Variants in JCAD observed in about 807,000 individuals in gnomAD.
The protein encoded by JCAD is junctional cadherin 5-associated protein.
In JCAD, 40 loss-of-function variants were observed where a neutral mutation model predicts 98.0. The ratio of observed to expected loss-of-function variants is 0.41; its 90% CI spans 0.32 to 0.53. The LOEUF (loss-of-function observed/expected upper bound fraction) is 0.53. Among genes scored for constraint, JCAD ranks in the 20% least tolerant of loss-of-function variants. JCAD has a pLI of 0.31. For missense variants in JCAD, 1,705 were observed against 1,738.1 expected (o/e 0.98, Z 0.34); for synonymous variants, 691 against 682.3 (o/e 1.01, Z -0.20).
At chr10:30,039,359 T>C (rs949116397) in intron 2 of JCAD, among the ~76,000 whole-genome samples, 2 of 152,308 alleles carry the variant, frequency 1.3e-5, no homozygotes, top group East Asian at 3.9e-4. Context: ...GCAGACACTG[T>C]TCCCTCCCAC....
rs1836523093 is a variant in JCAD at position 30,015,961 on chromosome 10, T to C, written c.*1922A>G. ...GTCTGAACTCTTCCCCACTCAACTT[T>C]TCCTGGGAAGAGGATCTTTTTGTTT... On this transcript the variant is annotated 3_prime_UTR_variant, in exon 4 of 4. Transcript: ENST00000375377. 1 of 152,208 alleles carries C rather than the reference T, an allele frequency of 6.6e-6. No homozygotes were observed. The allele number at this position is 152,208 out of a possible 1,614,324, so 9.4% of individuals were successfully genotyped here.
At chr10:30,045,501 T>C (rs113317855) in intron 2 of JCAD, among the ~76,000 whole-genome samples, 4,131 of 152,250 alleles carry the variant, frequency 0.027, 201 homozygotes, top group African/African-American at 0.095. Context: ...AGGTACAATC[T>C]CAGTACCTTG....
Position 30,086,262 on chromosome 10 carries a change from C to A in JCAD, n.129-16441G>T, listed in dbSNP as rs545645897. ...TTGTCTGCCTCTTTTGTGCATTGAA[C>A]TTTTCCCCTCCACACCCTTAGTGGA... On this transcript the variant is annotated intron_variant and non_coding_transcript_variant, in intron 1 of 2. Transcript: ENST00000465712. Among the ~76,000 whole-genome samples, 5 of 152,248 alleles carry A rather than the reference C, an allele frequency of 3.3e-5. No homozygotes were observed. In the East Asian group the frequency reaches 7.7e-4, roughly 23 times the overall value.
chr10:30,092,048 A>ATATAT (rs1838278587), intron 1 of JCAD, among the ~76,000 whole-genome samples: 9 of 30,234 alleles, frequency 3.0e-4, no homozygotes, highest in African/African-American at 1.7e-3. Context: ...AAAAAAAAAA[A>ATATAT]AAAAAAAAAA....
Position 30,071,661 on chromosome 10 carries a change from C to T in JCAD, n.129-1840G>A, listed in dbSNP as rs191872383. ...CTCTACTAAAAATACAAAAATTAGC[C>T]CAGCTACTCTGGAGGCTGAGGCAGG... On this transcript the variant is annotated intron_variant and non_coding_transcript_variant, in intron 1 of 2. Coordinates refer to the JCAD transcript ENST00000465712. Among the ~76,000 whole-genome samples, 341 of 152,050 alleles carry T rather than the reference C, an allele frequency of 2.2e-3. 1 individual carries two copies. Among genetic ancestry groups the T allele is most frequent in the Non-Finnish European group, 4.0e-3 (269 of 67,972 alleles).
At chr10:30,066,538 T>C (rs371619343) in intron 2 of JCAD, among the ~76,000 whole-genome samples, 3 of 152,140 alleles carry the variant, frequency 2.0e-5, no homozygotes, top group African/African-American at 7.2e-5. Flanking sequence ...CTCCAGGGAA[T>C]GGCAGTGGCT....
intron 1 of JCAD, among the ~76,000 whole-genome samples, chr10:30,110,381 CAG>C (rs1838669861): frequency 1.3e-5 from 2 of 152,042 alleles, no homozygotes; most frequent in Non-Finnish European, 2.9e-5. Flanking sequence ...ATGTATAGAC[CAG>C]CTGATGTGTG....
chr10:30,049,466 A>G (rs972275659), intron 1 of JCAD, among the ~76,000 whole-genome samples: 1 of 152,214 alleles, frequency 6.6e-6, no homozygotes, highest in African/African-American at 2.4e-5. Flanking sequence ...GCTAGATTAC[A>G]GTAGGGAAAG....
At position 30,027,836 on chromosome 10, in the gene JCAD, A is replaced by C; in HGVS notation, c.2312T>G (p.Val771Gly). The change falls in exon 3 of 4, where the codon GTG (valine) becomes GGG (glycine). Residue 771 changes from valine to glycine, a missense_variant. This residue lies in a region of JCAD where 1,278 missense variants were observed against 1,243.1 expected (regional missense o/e 1.03). Coordinates refer to ENST00000375377, the MANE Select transcript of JCAD (RefSeq NM_020848.4). ...TGCTTTTGGCGTCGGTGCCTGGTCC[A>C]CGGACAAGGAAGTCCTTGAGAACGC... ...NSAFSRTSLS[V>G]DQAPTPKAGR... 1 of 1,614,248 alleles carries C rather than the reference A, an allele frequency of 6.2e-7. No homozygotes were observed. Among genetic ancestry groups the C allele is most frequent in the Non-Finnish European group, 8.5e-7 (1 of 1,180,040 alleles).
At chr10:30,064,720 A>G (rs11007880) in intron 2 of JCAD, among the ~76,000 whole-genome samples, 17,011 of 151,526 alleles carry the variant, frequency 0.11, 1,656 homozygotes, top group African/African-American at 0.25. Context: ...CACCCAGGCT[A>G]GAGTGCAGTG....
chr10:30,054,655 G>A (rs1837530995), intron 1 of JCAD, among the ~76,000 whole-genome samples: 1 of 149,962 alleles, frequency 6.7e-6, no homozygotes, highest in African/African-American at 2.4e-5. Context: ...TGCTGCTTAG[G>A]TTAGATGAGG....
intron 1 of JCAD, among the ~76,000 whole-genome samples, chr10:30,056,364 C>T (rs918232561): frequency 1.3e-5 from 2 of 152,116 alleles, no homozygotes; most frequent in Non-Finnish European, 2.9e-5. Context: ...GTACAAAAGT[C>T]ATGTAAAGTG....
intron 1 of JCAD, among the ~76,000 whole-genome samples, chr10:30,102,900 C>T (rs936980448): frequency 6.6e-6 from 1 of 152,134 alleles, no homozygotes; most frequent in Non-Finnish European, 1.5e-5. Context: ...TGCAGGGGAA[C>T]TCCCCTTTAT....
In JCAD at chr10:30,017,459, A is replaced by G. The variant is rs1183648396; in HGVS notation, c.*424T>C. On this transcript the variant is annotated 3_prime_UTR_variant, in exon 4 of 4. Transcript: ENST00000375377. Reference sequence around the variant, plus strand: ...AGCCAGTGTCCCAAACTCCTTCACAAGAGCATGGACTGCAGGCCATGGAGA... The same window carrying G: ...AGCCAGTGTCCCAAACTCCTTCACAGGAGCATGGACTGCAGGCCATGGAGA... 9.5e-6 allele frequency: 2 copies of G among 210,900 alleles called. No homozygotes were observed. The highest frequency in any genetic ancestry group is 8.1e-5 in the South Asian group (1 of 12,404). 13.1% of individuals were successfully genotyped at this position (210,900 alleles called of 1,614,324 possible).
chr10:30,080,678 A>G (rs922392146), intron 1 of JCAD, among the ~76,000 whole-genome samples: 5 of 151,524 alleles, frequency 3.3e-5, no homozygotes, highest in Non-Finnish European at 5.9e-5. Context: ...ACAGCCCCCA[A>G]TCTCACCACT....
rs1011251397 is a variant in JCAD at position 30,057,611 on chromosome 10, C to T, written c.-60+1871G>A. On this transcript the variant is annotated intron_variant, in intron 1 of 3. Coordinates refer to ENST00000375377, the MANE Select transcript of JCAD (RefSeq NM_020848.4). ...CTCCACCCACCCAAATCCCCTAATT[C>T]TCCTGGGCCTGCCAAGGGCCTGACC... is the stretch of plus-strand genomic sequence containing the variant. 3.9e-5 allele frequency among the ~76,000 whole-genome samples: 6 copies of T among 152,162 alleles called. No individual in the cohort carries two copies. The East Asian group carries it at 1.2e-3, about 29-fold the overall frequency.
intron 1 of JCAD, among the ~76,000 whole-genome samples, chr10:30,089,512 C>CCGTGTG (rs1465836541): frequency 9.9e-6 from 1 of 100,778 alleles, no homozygotes; most frequent in African/African-American, 5.9e-5. Flanking sequence ...GATGCTTCTT[C>CCGTGTG]CGTGTGTGTG....
At chr10:30,073,375 T>C (rs1024152035) in intron 1 of JCAD, among the ~76,000 whole-genome samples, 3 of 152,194 alleles carry the variant, frequency 2.0e-5, no homozygotes, top group Non-Finnish European at 4.4e-5. Flanking sequence ...GCATTAGCTG[T>C]TCTTACGCTG....
rs372742134 is a variant in JCAD at position 30,026,846 on chromosome 10, G to A, written c.3302C>T (p.Pro1101Leu). ...GIEVAVESLL[P>L]GIRRAGQNQP... ...GTTCTGTCCCGCTCTCCGGATGCCC[G>A]GCAGGAGGGACTCCACCGCCACCTC... is the stretch of plus-strand genomic sequence containing the variant. Residue 1101 changes from proline (P) to leucine (L), a missense_variant, in exon 3 of 4, where the codon CCG becomes CTG. By Grantham distance (98) the Pro-to-Leu change is moderately conservative. Transcript: ENST00000375377. 5.6e-6 allele frequency: 9 copies of A among 1,613,824 alleles called. No individual in the cohort carries two copies. Among genetic ancestry groups the A allele is most frequent in the Admixed American group, 3.3e-5 (2 of 60,010 alleles).
Sources: allele counts gnomAD v4.1 joint callset (sites outside exome capture counted in the v4.1 genomes callset), GRCh38; gene constraint gnomAD v4.1.1; regional missense constraint gnomAD v4.1.1; transcripts MANE v1.5; gene names NCBI Gene and HGNC (gene_info 2026-07-23, HGNC 2026-07-21).